Variants in SIK2 observed in about 807,000 individuals in gnomAD.
The protein encoded by SIK2 is salt inducible kinase 2, also known as serine/threonine-protein kinase SIK2.
In SIK2, 29 loss-of-function variants were observed where a neutral mutation model predicts 103.2. That is an observed-to-expected ratio of 0.28 (90% CI 0.21 to 0.38). The LOEUF is 0.38. Among genes scored for constraint, SIK2 ranks in the 10% least tolerant of loss-of-function variants. The pLI, the probability that SIK2 is intolerant of heterozygous loss-of-function variation, is 1.00. For synonymous variants in SIK2, 412 were observed against 446.1 expected, an observed-to-expected ratio of 0.92 and a Z score of 0.96; for missense variants, 879 against 1,171.0, an observed-to-expected ratio of 0.75 and a Z score of 3.64.
chr11:111,712,271 G>T lies in SIK2; in HGVS notation c.1162G>T (p.Ala388Ser), dbSNP rs778349552. The part of the protein sequence containing the change: ...HSPNMRLLRS[A>S]LLPQASNVEA... ...ACCGAACATGAGGCTGCTGCGATCT[G>T]CCCTCCTCCCCCAGGCATCCAACGT... Residue 388 changes from alanine (A) to serine (S), a missense_variant, in exon 9 of 15, where the codon GCC (alanine) becomes TCC (serine). Physicochemically the swap from Ala to Ser is moderately conservative, Grantham distance 99. Transcript: ENST00000304987. 3 of 1,614,060 alleles carry T rather than the reference G, an allele frequency of 1.9e-6. No homozygotes were observed. The South Asian group carries it at 3.3e-5, about 18-fold the overall frequency.
chr11:111,679,853 G>T (rs549429959), intron 3 of SIK2, among the ~76,000 whole-genome samples: 1 of 152,008 alleles, frequency 6.6e-6, no homozygotes, highest in East Asian at 1.9e-4. Context: ...GGCTGGGCAC[G>T]GTGGCTCACG....
At chr11:111,668,001 A>C (rs1942570080) in intron 3 of SIK2, among the ~76,000 whole-genome samples, 1 of 152,194 alleles carries the variant, frequency 6.6e-6, no homozygotes, top group African/African-American at 2.4e-5. Context: ...AGCAAACATT[A>C]AGTGCAAGTC....
At position 111,724,671 on chromosome 11, in the gene SIK2, G is replaced by C. The variant is rs976309456; in HGVS notation, c.*542G>C. On this transcript the variant is annotated 3_prime_UTR_variant, in exon 15 of 15. Transcript: ENST00000304987. ...CCTAAGTTCTTAGCTGCTGATGCAA[G>C]TTGTCCCCCAAGGCCATCACAAAGC... 6.4e-6 allele frequency: 1 copy of C among 156,506 alleles called. No individual in the cohort carries two copies. Among genetic ancestry groups the C allele is most frequent in the African/African-American group, 2.4e-5 (1 of 41,468 alleles). The allele number at this position is 156,506 out of a possible 1,614,324, so 9.7% of individuals were successfully genotyped here.
chr11:111,666,848 T>C (rs1483389263), intron 3 of SIK2, among the ~76,000 whole-genome samples: 1 of 152,150 alleles, frequency 6.6e-6, no homozygotes, highest in African/African-American at 2.4e-5. Flanking sequence ...AGCAGAAAAT[T>C]ATATGAAAAT....
intron 3 of SIK2, among the ~76,000 whole-genome samples, chr11:111,621,498 TA>T (rs1456794947): frequency 2.8e-5 from 1 of 35,106 alleles, no homozygotes; most frequent in Non-Finnish European, 1.6e-4. Flanking sequence ...TTCATTCATC[TA>T]TCTATTGATA....
intron 3 of SIK2, among the ~76,000 whole-genome samples, chr11:111,669,564 C>T (rs976025912): frequency 6.6e-6 from 1 of 151,324 alleles, no homozygotes; most frequent in Non-Finnish European, 1.5e-5. Context: ...GACACCCCCC[C>T]TCCCGCCCCG....
intron 6 of SIK2, among the ~76,000 whole-genome samples, chr11:111,702,756 C>T (rs987934313): frequency 6.6e-6 from 1 of 152,170 alleles, no homozygotes; most frequent in Non-Finnish European, 1.5e-5. Flanking sequence ...ATTTTATGTA[C>T]ACTTTTCTCA....
At chr11:111,711,980 G>A (rs1354239203) in intron 8 of SIK2, among the ~76,000 whole-genome samples, 2 of 152,226 alleles carry the variant, frequency 1.3e-5, no homozygotes, top group East Asian at 1.9e-4. Context: ...ATCCCCTCAT[G>A]AGGCAGAAAT....
chr11:111,615,302 A>G (rs965200812), intron 1 of SIK2, among the ~76,000 whole-genome samples: 1 of 151,498 alleles, frequency 6.6e-6, no homozygotes, highest in Non-Finnish European at 1.5e-5. Context: ...AAAAAAAAAA[A>G]AAGAAGAAAA....
chr11:111,630,272 A>G (rs1321054611), intron 3 of SIK2, among the ~76,000 whole-genome samples: 2 of 152,198 alleles, frequency 1.3e-5, no homozygotes, highest in African/African-American at 4.8e-5. Flanking sequence ...ATAACAGTCA[A>G]CACTAATGGA....
rs575239620 is a variant in SIK2 at position 111,675,811 on chromosome 11, G to T, written c.317-12190G>T. On this transcript the variant is annotated intron_variant, in intron 3 of 14. Transcript: ENST00000304987. ...TTCAGGTTTGTTACATGGGTAAATT[G>T]TATGTTCCTGGGGTTTGGATATACA... 4.1e-4 allele frequency among the ~76,000 whole-genome samples: 63 copies of T among 152,224 alleles called. No individual in the cohort carries two copies. The South Asian group carries it at 7.5e-3, about 18-fold the overall frequency.
rs1943322474 is a variant in SIK2, at chr11:111,705,451, T to C, written c.1101+312T>C. On this transcript the variant is annotated intron_variant, in intron 8 of 14. Coordinates refer to ENST00000304987, the MANE Select transcript of SIK2 (RefSeq NM_015191.3). This position sits in a 1 kb window ranked among gnomAD's most constrained non-coding sequence, Gnocchi z 4.3. The stretch of plus-strand genomic sequence containing the variant: ...ATTTACCACGTGCGAGCTTCTATTC[T>C]TAGGCACTGTTGGGGGTAAGATATA... Among the ~76,000 whole-genome samples, 1 of 152,246 alleles carries C rather than the reference T, an allele frequency of 6.6e-6. No homozygotes were observed. Among genetic ancestry groups the C allele is most frequent in the African/African-American group, 2.4e-5 (1 of 41,460 alleles).
chr11:111,613,885 A>G (rs905103196), intron 1 of SIK2, among the ~76,000 whole-genome samples: 1 of 152,164 alleles, frequency 6.6e-6, no homozygotes, highest in Admixed American at 6.6e-5. Context: ...ATCAGGAAAC[A>G]ACCTGTGGAC....
chr11:111,640,908 G>T (rs925599839), intron 3 of SIK2, among the ~76,000 whole-genome samples: 2 of 151,572 alleles, frequency 1.3e-5, no homozygotes, highest in Admixed American at 1.3e-4. Context: ...CTAATTTTTT[G>T]TATTTTTAGT....
In SIK2 at chr11:111,639,623, C is replaced by G. The variant is rs113188545; in HGVS notation, c.316+19221C>G. 6.5e-3 allele frequency among the ~76,000 whole-genome samples: 991 copies of G among 152,282 alleles called. 10 individuals carry two copies. The highest frequency in any genetic ancestry group is 0.022 in the African/African-American group (925 of 41,544). On this transcript the variant is annotated intron_variant, in intron 3 of 14. Transcript: ENST00000304987. The stretch of plus-strand genomic sequence containing the variant: ...TAACCCTTTTTCTTTAGATGTGTAC[C>G]TCATTTGCTGAAGTTGTTTTCTGCC...
chr11:111,626,118 A>T (rs1408690338), intron 3 of SIK2, among the ~76,000 whole-genome samples: 1 of 152,206 alleles, frequency 6.6e-6, no homozygotes, highest in African/African-American at 2.4e-5. Flanking sequence ...GGAAAGAAGA[A>T]TCTGATGTCC....
chr11:111,664,119 T>A (rs909326740), intron 3 of SIK2, among the ~76,000 whole-genome samples: 42 of 152,316 alleles, frequency 2.8e-4, no homozygotes, highest in African/African-American at 1.0e-3. Context: ...AGAAATGAAA[T>A]CAAAATTTCT....
chr11:111,612,927 T>TATATATAC (rs1941747524), intron 1 of SIK2, among the ~76,000 whole-genome samples: 1 of 26,410 alleles, frequency 3.8e-5, no homozygotes, highest in Non-Finnish European at 1.7e-4. Context: ...TATATATATA[T>TATATATAC]ATATATATAT....
At chr11:111,687,927 A>C in intron 3 of SIK2, 74 bp from the exon 4 acceptor site, 11 of 1,551,386 alleles carry the variant, frequency 7.1e-6, no homozygotes, top group Non-Finnish European at 9.6e-6. Context: ...TTTTGAGGAA[A>C]AAAATTTCCT....
Sources: allele counts gnomAD v4.1 joint callset (sites outside exome capture counted in the v4.1 genomes callset), GRCh38; gene constraint gnomAD v4.1.1; non-coding constraint Gnocchi (gnomAD v3.1); transcripts MANE v1.5; gene names NCBI Gene and HGNC (gene_info 2026-07-23, HGNC 2026-07-21).